Variants in NTN1 observed in about 807,000 individuals in gnomAD.
NTN1 encodes netrin-1.
In NTN1, 11 loss-of-function variants were observed where a neutral mutation model predicts 54.2. The observed-to-expected ratio is 0.20, with a 90% confidence interval of 0.13 to 0.34. NTN1 has a LOEUF of 0.34. Among genes scored for constraint, NTN1 ranks in the 10% least tolerant of loss-of-function variants. The pLI is 1.00. For synonymous variants in NTN1, 371 were observed against 382.0 expected, an observed-to-expected ratio of 0.97 and a Z score of 0.33; for missense variants, 740 against 893.1, an observed-to-expected ratio of 0.83 and a Z score of 2.18.
At chr17:9,016,313 G>A in the NTN1 span, among the ~76,000 whole-genome samples, 43,411 of 151,850 alleles carry the variant, frequency 0.29, 6,336 homozygotes, top group South Asian at 0.41. Flanking sequence ...TGGCCGTCTC[G>A]TCTCTAATCA....
At chr17:9,116,775 C>T (rs942547651) in intron 2 of NTN1, among the ~76,000 whole-genome samples, 6 of 152,150 alleles carry the variant, frequency 3.9e-5, no homozygotes, top group Non-Finnish European at 8.8e-5. Context: ...TACCTCTTCT[C>T]TTCTCCAGAA....
At chr17:9,102,343 C>T (rs143992564) in intron 2 of NTN1, among the ~76,000 whole-genome samples, 58 of 150,152 alleles carry the variant, frequency 3.9e-4, no homozygotes, top group African/African-American at 1.3e-3. Context: ...CTTCACATGG[C>T]GGCAGGAAGA....
At chr17:9,083,727 T>C (rs1671483811) in intron 2 of NTN1, among the ~76,000 whole-genome samples, 1 of 152,186 alleles carries the variant, frequency 6.6e-6, no homozygotes, top group Non-Finnish European at 1.5e-5. Context: ...ATAGAGGACA[T>C]AGAAGGACAG....
intron 5 of NTN1, among the ~76,000 whole-genome samples, chr17:9,218,887 A>G (rs957289605): frequency 6.6e-6 from 1 of 151,236 alleles, no homozygotes; most frequent in Admixed American, 6.6e-5. Flanking sequence ...TGGAAATGAA[A>G]GTGCTGGTGT....
chr17:9,055,170 G>A (rs1359596659), intron 2 of NTN1, among the ~76,000 whole-genome samples: 3 of 152,172 alleles, frequency 2.0e-5, no homozygotes, highest in Non-Finnish European at 4.4e-5. Context: ...TGCACATCTT[G>A]CTGTATTGAT....
Position 9,221,161 on chromosome 17 carries a change from C to CCCCCCCCCA in NTN1, c.1412-6_1412-5insCCCCCCCAC. ...TTTGTCTGTGCTCCCCCCCCACCCC[C>CCCCCCCCCA]CTGCAGACTGCGATTCCTACTGCAA... On this transcript the variant is annotated splice_polypyrimidine_tract_variant and splice_region_variant and intron_variant, in intron 5 of 6. Coordinates refer to ENST00000173229, the MANE Select transcript of NTN1 (RefSeq NM_004822.3). This position sits in a 1 kb window ranked among gnomAD's most constrained non-coding sequence, Gnocchi z 4.5. The CCCCCCCCCA allele has an allele frequency of 6.3e-7, 1 of 1,592,540 alleles. No individual in the cohort carries two copies. Among genetic ancestry groups the CCCCCCCCCA allele is most frequent in the South Asian group, 1.1e-5 (1 of 90,604 alleles).
chr17:9,131,088 TG>T (rs1389408430), intron 2 of NTN1, among the ~76,000 whole-genome samples: 7 of 152,222 alleles, frequency 4.6e-5, no homozygotes, highest in Admixed American at 6.5e-5. Flanking sequence ...TCAGGGCCTT[TG>T]CACTGGCTGT....
chr17:9,068,256 A>T (rs768827451), intron 2 of NTN1, among the ~76,000 whole-genome samples: 62 of 152,028 alleles, frequency 4.1e-4, no homozygotes, highest in Admixed American at 1.2e-3. Flanking sequence ...ATCACAGCTC[A>T]CTGCAGCCTT....
At chr17:9,154,027 A>G (rs975128971) in intron 2 of NTN1, among the ~76,000 whole-genome samples, 3 of 152,230 alleles carry the variant, frequency 2.0e-5, no homozygotes, top group East Asian at 1.9e-4. Flanking sequence ...AGTGGAACCA[A>G]CTACTCCTGT....
chr17:9,192,319 A>T (rs1235616692), intron 5 of NTN1, among the ~76,000 whole-genome samples: 4 of 152,236 alleles, frequency 2.6e-5, no homozygotes, highest in Non-Finnish European at 5.9e-5. Flanking sequence ...ATAGCCATAT[A>T]ATGATGTGGG....
intron 2 of NTN1, among the ~76,000 whole-genome samples, chr17:9,054,671 C>G (rs1168354350): frequency 6.6e-6 from 1 of 151,898 alleles, no homozygotes; most frequent in African/African-American, 2.4e-5. Flanking sequence ...TGAGAGAGCA[C>G]CGTGAGTTTG....
At chr17:9,167,664 C>A (rs978077861) in intron 3 of NTN1, among the ~76,000 whole-genome samples, 6 of 152,188 alleles carry the variant, frequency 3.9e-5, no homozygotes. Flanking sequence ...ATGCAATCGT[C>A]CTCACATCTT....
In NTN1 at chr17:9,127,074, G is replaced by T. The variant is rs1013308506; in HGVS notation, c.1019-35739G>T. On this transcript the variant is annotated intron_variant, in intron 2 of 6. Transcript: ENST00000173229. ...AGGAGTGAGATTGTGGTAGGGCCGG[G>T]GGGGGGCAGGACAGGGAGTTAGGAT... Among the ~76,000 whole-genome samples, 9 of 149,950 alleles carry T rather than the reference G, an allele frequency of 6.0e-5. No individual in the cohort carries two copies. The South Asian group carries it at 8.8e-4, about 15-fold the overall frequency.
intron 2 of NTN1, among the ~76,000 whole-genome samples, chr17:9,066,340 A>G (rs12948329): frequency 0.16 from 24,751 of 152,236 alleles, 2,123 homozygotes; most frequent in South Asian, 0.22. Flanking sequence ...AGAAAATTCA[A>G]TAGCAGAGCC....
At chr17:9,233,147 G>A (rs1295551304) in intron 6 of NTN1, among the ~76,000 whole-genome samples, 14 of 151,928 alleles carry the variant, frequency 9.2e-5, no homozygotes, top group African/African-American at 2.9e-4. Flanking sequence ...GGCCCACCTC[G>A]AGCAGCCCAT....
Position 9,228,820 on chromosome 17 carries a change from C to CTGTGTGTGTGTGTGTG in NTN1, c.1486+7595_1486+7610dup, listed in dbSNP as rs10641432. On this transcript the variant is annotated intron_variant, in intron 6 of 6. Coordinates refer to ENST00000173229, the MANE Select transcript of NTN1 (RefSeq NM_004822.3). Reference sequence around the variant, plus strand: ...GTGGGGAGAAGCCAGATCTGTTCAGCTGTGTGTGTGTGTGTGTGTGTGTGT... The same window carrying CTGTGTGTGTGTGTGTG: ...GTGGGGAGAAGCCAGATCTGTTCAGCTGTGTGTGTGTGTGTGTGTGTGTGTGTGTGTGTGTGTGTGT... 2.2e-3 allele frequency among the ~76,000 whole-genome samples: 316 copies of CTGTGTGTGTGTGTGTG among 141,390 alleles called. 3 individuals are homozygous for CTGTGTGTGTGTGTGTG. The highest frequency in any genetic ancestry group is 6.8e-3 in the African/African-American group (252 of 37,204). 92.8% of individuals were successfully genotyped at this position (141,390 alleles called of 152,430 possible).
intron 6 of NTN1, among the ~76,000 whole-genome samples, chr17:9,222,933 A>G (rs1208976396): frequency 6.6e-6 from 1 of 152,214 alleles, no homozygotes; most frequent in African/African-American, 2.4e-5. Context: ...CCCTACGCAC[A>G]CACTGAAGCC....
Position 9,022,325 on chromosome 17 carries a change from A to G in NTN1, c.-49A>G, listed in dbSNP as rs1303454802. On this transcript the variant is annotated 5_prime_UTR_variant, in exon 2 of 7. Transcript: ENST00000173229. ...TCTCTCCGCAGGCGCCTTCTGCGGC[A>G]GGCGGACAGATCCTCGGCGCGGCAG... 9.5e-6 allele frequency: 12 copies of G among 1,264,074 alleles called. No individual in the cohort carries two copies. Among genetic ancestry groups the G allele is most frequent in the Non-Finnish European group, 1.1e-5 (11 of 1,009,884 alleles). The allele number at this position is 1,264,074 out of a possible 1,614,324, so 78.3% of individuals were successfully genotyped here.
chr17:9,217,194 C>T (rs1905234954), intron 5 of NTN1, among the ~76,000 whole-genome samples: 1 of 152,188 alleles, frequency 6.6e-6, no homozygotes, highest in African/African-American at 2.4e-5. Flanking sequence ...TGGTCTTTGT[C>T]ACTGTGTCCT....
Sources: allele counts gnomAD v4.1 joint callset (sites outside exome capture counted in the v4.1 genomes callset), GRCh38; gene constraint gnomAD v4.1.1; non-coding constraint Gnocchi (gnomAD v3.1); transcripts MANE v1.5; gene names NCBI Gene and HGNC (gene_info 2026-07-23, HGNC 2026-07-21).